Variants in ATP7B observed in about 807,000 individuals in gnomAD.
ATP7B encodes ATPase copper transporting beta.
In ATP7B, 113 loss-of-function variants were observed where a neutral mutation model predicts 118.9. That is an observed-to-expected ratio of 0.95 (90% CI 0.82 to 1.11). The LOEUF (loss-of-function observed/expected upper bound fraction) is 1.11, where lower values mean the gene tolerates loss of function less well. Among genes scored for constraint, ATP7B ranks in the 50% most tolerant of loss-of-function variants. The pLI is 0.00. For synonymous variants in ATP7B, 777 were observed against 727.4 expected (o/e 1.07, Z -1.10); for missense variants, 1,867 against 1,871.4 (o/e 1.00, Z 0.04).
rs1593630043 is a variant in ATP7B at position 51,933,059 on chromosome 13, T to C, written c.*1697A>G. 1 of 152,124 alleles carries C rather than the reference T, an allele frequency of 6.6e-6. No individual in the cohort carries two copies. The highest frequency in any genetic ancestry group is 1.9e-4 in the East Asian group (1 of 5,198). 9.4% of individuals were successfully genotyped at this position (152,124 alleles called of 1,614,324 possible). A position where few individuals can be genotyped will look rare whatever the true frequency, so the allele number is the denominator to read the frequency against. The stretch of plus-strand genomic sequence containing the variant: ...CCCTGCAAAAACTATATGTAAAAAG[T>C]GAAACTAACCATCCAAGGTGAAGGT... On this transcript the variant is annotated 3_prime_UTR_variant, in exon 21 of 21. Transcript: ENST00000242839.
At chr13:51,987,013 C>T (rs913788872) in intron 1 of ATP7B, among the ~76,000 whole-genome samples, 2 of 152,180 alleles carry the variant, frequency 1.3e-5, no homozygotes, top group Non-Finnish European at 2.9e-5. Flanking sequence ...TGGCACAAGA[C>T]AAGGATGCCC....
intron 1 of ATP7B, among the ~76,000 whole-genome samples, chr13:51,990,828 A>T (rs1301027472): frequency 6.6e-6 from 1 of 152,240 alleles, no homozygotes; most frequent in Non-Finnish European, 1.5e-5. Context: ...AATGGCTCAT[A>T]CCTGTAATCC....
chr13:51,936,259 G>A (rs1956954118), intron 19 of ATP7B, among the ~76,000 whole-genome samples: 1 of 152,194 alleles, frequency 6.6e-6, no homozygotes, highest in African/African-American at 2.4e-5. Flanking sequence ...CGGCTCTGGG[G>A]ACAAGAAGTA....
At chr13:51,950,626 T>C (rs1957939361) in intron 9 of ATP7B, among the ~76,000 whole-genome samples, 1 of 152,138 alleles carries the variant, frequency 6.6e-6, no homozygotes, top group South Asian at 2.1e-4. Context: ...TACTACCTCA[T>C]GAAGACAAGT....
At chr13:51,992,749 G>A (rs1392311993) in intron 1 of ATP7B, among the ~76,000 whole-genome samples, 1 of 151,978 alleles carries the variant, frequency 6.6e-6, no homozygotes, top group South Asian at 2.1e-4. Context: ...TGGCTGAGGT[G>A]AGTGGATCAC....
chr13:51,934,866 G>T lies in ATP7B; in HGVS notation c.4288C>A (p.Leu1430Met), dbSNP rs899484304. 2 of 1,614,082 alleles carry T rather than the reference G, an allele frequency of 1.2e-6. No homozygotes were observed. The highest frequency in any genetic ancestry group is 2.7e-5 in the African/African-American group (2 of 74,942). ...GGCTTGTCGGACGTCAGGGAGGACA[G>T]CGACACCTGGCTGACATAGCTGACC... ...DQVSYVSQVS[L>M]SSLTSDKPSR... The change falls in exon 21 of 21, where the codon CTG becomes ATG. Residue 1430 changes from leucine (L) to methionine (M), a missense_variant. Transcript: ENST00000242839.
At chr13:51,993,893 G>C (rs922036036) in intron 1 of ATP7B, among the ~76,000 whole-genome samples, 3 of 152,116 alleles carry the variant, frequency 2.0e-5, no homozygotes, top group Admixed American at 1.3e-4. Context: ...CTCCACCAAG[G>C]CCTCTTCCCC....
intron 1 of ATP7B, among the ~76,000 whole-genome samples, chr13:51,991,434 C>A (rs1045661633): frequency 6.6e-6 from 1 of 151,830 alleles, no homozygotes; most frequent in African/African-American, 2.4e-5. Context: ...GTGGAGGTTG[C>A]AGTGAGCCAA....
chr13:51,976,321 C>A (rs745803938), intron 1 of ATP7B, among the ~76,000 whole-genome samples: 2 of 152,168 alleles, frequency 1.3e-5, no homozygotes, highest in Non-Finnish European at 2.9e-5. Flanking sequence ...CCTTGCCAAC[C>A]GGCTTTTGAG....
chr13:51,934,406 T>A lies in ATP7B; in HGVS notation c.*350A>T. 5.5e-6 allele frequency: 2 copies of A among 364,654 alleles called. No individual in the cohort carries two copies. Among genetic ancestry groups the A allele is most frequent in the South Asian group, 4.9e-5 (2 of 40,918 alleles). The allele number at this position is 364,654 out of a possible 1,614,324, so 22.6% of individuals were successfully genotyped here. A position where few individuals can be genotyped will look rare whatever the true frequency, so the allele number is the denominator to read the frequency against. The stretch of plus-strand genomic sequence containing the variant: ...GCCCAGTGAGGTTTTTTGGTCCTGA[T>A]GAAACTGTTCTCCATTTCACAGCAG... On this transcript the variant is annotated 3_prime_UTR_variant, in exon 21 of 21. Transcript: ENST00000242839.
At chr13:51,991,599 T>C (rs1403144482) in intron 1 of ATP7B, among the ~76,000 whole-genome samples, 1 of 152,166 alleles carries the variant, frequency 6.6e-6, no homozygotes, top group African/African-American at 2.4e-5. Context: ...CAAAGGGTAA[T>C]TCTGTATACA....
chr13:51,968,677 A>G, intron 3 of ATP7B, 70 bp from the exon 4 acceptor site: 1 of 1,557,568 alleles, frequency 6.4e-7, no homozygotes, highest in Admixed American at 1.7e-5. Context: ...AGTCAATATA[A>G]CCGAACAAAG....
intron 1 of ATP7B, among the ~76,000 whole-genome samples, chr13:51,994,784 T>C (rs528637490): frequency 5.9e-5 from 9 of 152,324 alleles, no homozygotes; most frequent in Admixed American, 2.6e-4. Context: ...AAGTTGTTTT[T>C]TATTTTCGTC....
In ATP7B at chr13:52,011,316, T is replaced by C. The variant is rs1322672752; in HGVS notation, c.22A>G (p.Ile8Val). MPEQERQ[I>V]TAREGASRKI... ...CGACTGGCCCCTTCTCTGGCTGTGATCTGTCTCTCCTGCTCAGGCATCGTC... is the reference window on the plus strand; with the variant it reads ...CGACTGGCCCCTTCTCTGGCTGTGACCTGTCTCTCCTGCTCAGGCATCGTC... The change falls in exon 1 of 21, where the codon ATC (isoleucine) becomes GTC (valine). Residue 8 changes from isoleucine (I) to valine (V), a missense_variant. Ile to Val is a conservative substitution (Grantham distance 29). Coordinates refer to ENST00000242839, the MANE Select transcript of ATP7B (RefSeq NM_000053.4). 24 of 1,614,120 alleles carry C rather than the reference T, an allele frequency of 1.5e-5. No homozygotes were observed. Among genetic ancestry groups the C allele is most frequent in the Non-Finnish European group, 2.0e-5 (24 of 1,180,030 alleles).
intron 1 of ATP7B, chr13:51,995,458 G>T: frequency 4.0e-6 from 2 of 497,808 alleles, no homozygotes; most frequent in Non-Finnish European, 5.2e-6. Flanking sequence ...ACCACTGCTT[G>T]TGGACAGACA....
chr13:52,009,484 C>A (rs1953924789), intron 1 of ATP7B, among the ~76,000 whole-genome samples: 1 of 152,194 alleles, frequency 6.6e-6, no homozygotes, highest in African/African-American at 2.4e-5. Flanking sequence ...ACAACCATAA[C>A]CTGTTTTTGG....
chr13:51,936,010 G>A (rs940129077), intron 19 of ATP7B, among the ~76,000 whole-genome samples: 8 of 152,204 alleles, frequency 5.3e-5, no homozygotes, highest in African/African-American at 1.2e-4. Context: ...TGGGAGGAGC[G>A]GGAGGAGAAA....
chr13:51,965,065 C>G, intron 4 of ATP7B, 32 bp from the exon 5 acceptor site: 2 of 1,613,108 alleles, frequency 1.2e-6, no homozygotes, highest in Non-Finnish European at 1.7e-6. Flanking sequence ...ATCCCACAGA[C>G]CCAGGATCAA....
chr13:51,962,863 A>C (rs1958840127), intron 5 of ATP7B, among the ~76,000 whole-genome samples: 1 of 152,104 alleles, frequency 6.6e-6, no homozygotes, highest in South Asian at 2.1e-4. Flanking sequence ...AGGCCGAGGC[A>C]GGTGGATCAC....
Sources: gnomAD v4.1 joint callset for allele counts (sites outside exome capture counted in the v4.1 genomes callset) on GRCh38, gnomAD v4.1.1 for gene constraint, MANE v1.5 for transcripts, NCBI Gene and HGNC (gene_info 2026-07-23, HGNC 2026-07-21) for gene names.